Variants in DCC observed in about 807,000 individuals in gnomAD.
The protein encoded by DCC is netrin receptor DCC.
DCC carries 58 observed loss-of-function variants against 172.5 expected under a neutral mutation model. That is an observed-to-expected ratio of 0.34 (90% confidence interval 0.27 to 0.42). The LOEUF (loss-of-function observed/expected upper bound fraction) is 0.42. DCC is among the 10% of genes least tolerant of loss of function. The pLI is 1.00. For missense variants in DCC, 1,740 were observed against 1,791.0 expected (o/e 0.97, Z 0.51); for synonymous variants, 709 against 644.5 (o/e 1.10, Z -1.52).
At position 52,642,121 on chromosome 18, in the gene DCC, C is replaced by T. The variant is rs527370190; in HGVS notation, c.92-109933C>T. Among the ~76,000 whole-genome samples the T allele has an allele frequency of 4.0e-5, 6 of 148,442 alleles. No homozygotes were observed. The South Asian group carries it at 6.5e-4, about 16-fold the overall frequency. On this transcript the variant is annotated intron_variant, in intron 1 of 28. Coordinates refer to ENST00000442544, the MANE Select transcript of DCC (RefSeq NM_005215.4). ...ACTCACACACACATACACACATATA[C>T]GATGGAATACTATGCAGCCATAAAA...
chr18:53,511,502 TGA>T (rs910438115), intron 27 of DCC, among the ~76,000 whole-genome samples: 4 of 152,146 alleles, frequency 2.6e-5, no homozygotes, highest in Non-Finnish European at 4.4e-5. Flanking sequence ...GCTCCCAGCG[TGA>T]GAGACGCAGA....
intron 1 of DCC, among the ~76,000 whole-genome samples, chr18:52,738,066 C>G (rs1185709931): frequency 2.6e-5 from 4 of 152,076 alleles, no homozygotes; most frequent in Non-Finnish European, 5.9e-5. Context: ...TATCGATATA[C>G]CATCCTCGGT....
At chr18:52,533,512 G>T (rs2032207749) in intron 1 of DCC, among the ~76,000 whole-genome samples, 1 of 152,030 alleles carries the variant, frequency 6.6e-6, no homozygotes, top group Non-Finnish European at 1.5e-5. Flanking sequence ...TTATGGGATT[G>T]ACTTTTTTTT....
chr18:52,906,373 A>G lies in DCC; in HGVS notation c.697+45A>G, dbSNP rs200106243. The G allele has an allele frequency of 1.3e-5, 21 of 1,602,188 alleles. No individual in the cohort carries two copies. In the African/African-American group the frequency reaches 2.5e-4, roughly 19 times the overall value. On this transcript the variant is annotated intron_variant, in intron 3 of 28. Transcript: ENST00000442544. Reference sequence around the variant, plus strand: ...TGCCTTCAGAATGATATTCTCTGGAATAAGTTGAAAAACAATTTTTTTCTT... The same window carrying G: ...TGCCTTCAGAATGATATTCTCTGGAGTAAGTTGAAAAACAATTTTTTTCTT...
intron 2 of DCC, among the ~76,000 whole-genome samples, chr18:52,890,683 C>T (rs1313345162): frequency 6.6e-6 from 1 of 152,056 alleles, no homozygotes; most frequent in Non-Finnish European, 1.5e-5. Flanking sequence ...AGTTCCATAG[C>T]AATTTTCCAA....
intron 1 of DCC, among the ~76,000 whole-genome samples, chr18:52,582,897 A>G (rs2033585648): frequency 6.6e-6 from 1 of 152,176 alleles, no homozygotes; most frequent in Admixed American, 6.5e-5. Flanking sequence ...GTTTAATAAC[A>G]TCTCTTTCAT....
intron 5 of DCC, among the ~76,000 whole-genome samples, chr18:52,934,039 T>A (rs1016431785): frequency 6.6e-6 from 1 of 152,026 alleles, no homozygotes; most frequent in Non-Finnish European, 1.5e-5. Context: ...GTTGGAAAGA[T>A]TAAGCTAGCT....
intron 12 of DCC, among the ~76,000 whole-genome samples, chr18:53,240,396 C>T (rs2056276211): frequency 6.6e-6 from 1 of 152,074 alleles, no homozygotes; most frequent in Non-Finnish European, 1.5e-5. Flanking sequence ...CTGTGATTGT[C>T]ATAGTTACAA....
chr18:53,150,827 C>T (rs999361938), intron 7 of DCC, among the ~76,000 whole-genome samples: 4 of 152,224 alleles, frequency 2.6e-5, no homozygotes, highest in Admixed American at 2.6e-4. Context: ...GGAGGCTGTT[C>T]TGAAAGTAAA....
chr18:53,021,718 T>C (rs1013342913), intron 5 of DCC, among the ~76,000 whole-genome samples: 6 of 152,234 alleles, frequency 3.9e-5, no homozygotes, highest in African/African-American at 1.4e-4. Flanking sequence ...CTCTTGCAGA[T>C]GTACTGTAAC....
Position 53,357,325 on chromosome 18 carries a change from C to T in DCC, c.2359+17418C>T, listed in dbSNP as rs780375861. On this transcript the variant is annotated intron_variant, in intron 15 of 28. Transcript: ENST00000442544. ...TCTTTTATCCTGTGGAGAAATGAAC[C>T]TTTATAACTCCCAGAGTGCATTCTA... 6.6e-5 allele frequency among the ~76,000 whole-genome samples: 10 copies of T among 151,988 alleles called. No individual in the cohort carries two copies. In the East Asian group the frequency reaches 1.5e-3, roughly 23 times the overall value.
At chr18:53,015,701 G>T (rs959660121) in intron 5 of DCC, among the ~76,000 whole-genome samples, 2 of 151,888 alleles carry the variant, frequency 1.3e-5, no homozygotes, top group Non-Finnish European at 2.9e-5. Flanking sequence ...AATAGAGATC[G>T]ATAGACTTAC....
At chr18:52,711,597 C>T (rs1381597978) in intron 1 of DCC, among the ~76,000 whole-genome samples, 1 of 152,118 alleles carries the variant, frequency 6.6e-6, no homozygotes, top group Non-Finnish European at 1.5e-5. Flanking sequence ...CTTTAAGTTG[C>T]CAACAGACTT....
intron 2 of DCC, among the ~76,000 whole-genome samples, chr18:52,778,256 T>C (rs1394221826): frequency 6.6e-6 from 1 of 152,212 alleles, no homozygotes; most frequent in Non-Finnish European, 1.5e-5. Flanking sequence ...TCCTTTGGTG[T>C]TTTAAATGTG....
At chr18:52,894,989 T>A (rs543927687) in intron 2 of DCC, among the ~76,000 whole-genome samples, 1 of 152,122 alleles carries the variant, frequency 6.6e-6, no homozygotes, top group African/African-American at 2.4e-5. Context: ...GTCACCACAC[T>A]GACTGACTGA....
At chr18:52,959,426 C>T (rs779103188) in intron 5 of DCC, among the ~76,000 whole-genome samples, 20 of 152,016 alleles carry the variant, frequency 1.3e-4, no homozygotes, top group East Asian at 5.8e-4. Flanking sequence ...ACCCTCTAAA[C>T]GCAGGCATAT....
At chr18:53,410,741 A>T in intron 20 of DCC, 95 bp downstream of exon 20, 2 of 793,166 alleles carry the variant, frequency 2.5e-6, no homozygotes, top group Non-Finnish European at 2.3e-6. Flanking sequence ...CACCATCTCT[A>T]TTAGCAACAT....
intron 2 of DCC, among the ~76,000 whole-genome samples, chr18:52,884,694 C>T (rs936683692): frequency 3.9e-5 from 6 of 152,094 alleles, no homozygotes; most frequent in Non-Finnish European, 5.9e-5. Flanking sequence ...AGAATTGATC[C>T]CTGGTGCCTT....
chr18:53,466,198 G>T (rs1231995632), intron 24 of DCC, among the ~76,000 whole-genome samples: 1 of 152,142 alleles, frequency 6.6e-6, no homozygotes, highest in Admixed American at 6.5e-5. Context: ...GCAATCACAG[G>T]CATGAGCTAC....
Sources: gnomAD v4.1 joint callset for allele counts (sites outside exome capture counted in the v4.1 genomes callset) on GRCh38, gnomAD v4.1.1 for gene constraint, MANE v1.5 for transcripts, NCBI Gene and HGNC (gene_info 2026-07-23, HGNC 2026-07-21) for gene names.